Variants in TSPAN5 observed in about 807,000 individuals in gnomAD.
TSPAN5 encodes the protein tetraspanin-5.
In TSPAN5, 10 loss-of-function variants were observed where a neutral mutation model predicts 37.1. That is an observed-to-expected ratio of 0.27 (90% CI 0.17 to 0.46). The LOEUF (loss-of-function observed/expected upper bound fraction) is 0.46, where lower values mean the gene tolerates loss of function less well. TSPAN5 is among the 20% of genes least tolerant of loss of function. TSPAN5 has a pLI of 1.00. For synonymous variants in TSPAN5, 110 were observed against 118.9 expected (o/e 0.93, Z 0.48); for missense variants, 195 against 326.6 (o/e 0.60, Z 3.11).
At chr4:98,557,276 A>G (rs1045672084) in intron 1 of TSPAN5, among the ~76,000 whole-genome samples, 2 of 152,244 alleles carry the variant, frequency 1.3e-5, no homozygotes, top group African/African-American at 2.4e-5. Context: ...CACTAAATCA[A>G]CTGAAGCAGA....
At chr4:98,515,289 G>A (rs1753703780) in intron 1 of TSPAN5, among the ~76,000 whole-genome samples, 1 of 152,054 alleles carries the variant, frequency 6.6e-6, no homozygotes, top group Non-Finnish European at 1.5e-5. Flanking sequence ...AGATAAGAAG[G>A]GCACCTCAGA....
intron 1 of TSPAN5, among the ~76,000 whole-genome samples, chr4:98,605,283 A>C (rs1420795567): frequency 6.6e-6 from 1 of 152,204 alleles, no homozygotes; most frequent in Non-Finnish European, 1.5e-5. Context: ...ATATCAGAAA[A>C]AATGTGCCAA....
intron 1 of TSPAN5, among the ~76,000 whole-genome samples, chr4:98,564,454 T>C (rs1754952529): frequency 6.6e-6 from 1 of 152,248 alleles, no homozygotes; most frequent in Non-Finnish European, 1.5e-5. Flanking sequence ...TTTAGATTAA[T>C]GAAAGAAGCA....
At chr4:98,515,814 G>A (rs1753715515) in intron 1 of TSPAN5, among the ~76,000 whole-genome samples, 1 of 152,276 alleles carries the variant, frequency 6.6e-6, no homozygotes, top group East Asian at 1.9e-4. Context: ...ACACACTCTA[G>A]TCAGATACTC....
At chr4:98,625,735 C>A (rs933256886) in intron 1 of TSPAN5, among the ~76,000 whole-genome samples, 1 of 152,098 alleles carries the variant, frequency 6.6e-6, no homozygotes, top group Non-Finnish European at 1.5e-5. Context: ...TATGAATGAA[C>A]CCTATTAGTA....
At chr4:98,592,139 G>A (rs1755648953) in intron 1 of TSPAN5, among the ~76,000 whole-genome samples, 1 of 150,740 alleles carries the variant, frequency 6.6e-6, no homozygotes, top group Admixed American at 6.6e-5. Context: ...CAACTAGATA[G>A]CCACATGGAG....
intron 4 of TSPAN5, 30 bp downstream of exon 4, chr4:98,481,975 C>A: frequency 6.2e-7 from 1 of 1,609,662 alleles, no homozygotes; most frequent in Non-Finnish European, 8.5e-7. Context: ...AGAGAACTTT[C>A]AACTTGAAAA....
At chr4:98,625,770 C>A (rs1756585101) in intron 1 of TSPAN5, among the ~76,000 whole-genome samples, 1 of 152,054 alleles carries the variant, frequency 6.6e-6, no homozygotes, top group South Asian at 2.1e-4. Context: ...CTTCTGAAAA[C>A]CACGTTTAAA....
intron 1 of TSPAN5, among the ~76,000 whole-genome samples, chr4:98,654,049 A>G (rs1757248689): frequency 6.6e-6 from 1 of 152,186 alleles, no homozygotes; most frequent in Non-Finnish European, 1.5e-5. Context: ...ACGTGTAGGT[A>G]GGTGCTCCAG....
Position 98,573,466 on chromosome 4 carries a change from G to A in TSPAN5, c.82-65738C>T, listed in dbSNP as rs4699350. Among the ~76,000 whole-genome samples, 1,177 of 152,228 alleles carry A rather than the reference G, an allele frequency of 7.7e-3. 9 individuals are homozygous for A. Among genetic ancestry groups the A allele is most frequent in the Admixed American group, 0.019 (285 of 15,296 alleles). On this transcript the variant is annotated intron_variant, in intron 1 of 7. Transcript: ENST00000305798. The stretch of plus-strand genomic sequence containing the variant: ...GCCCAGGCTGGTCTCGAACTCCTGC[G>A]CTCAAGTGATCCTCCCATCTTGGCC...
intron 1 of TSPAN5, among the ~76,000 whole-genome samples, chr4:98,604,226 T>C (rs983262126): frequency 6.6e-6 from 1 of 152,182 alleles, no homozygotes; most frequent in Non-Finnish European, 1.5e-5. Context: ...TTCATGTAAC[T>C]TTCCCCATCA....
At chr4:98,530,535 G>A (rs944310390) in intron 1 of TSPAN5, among the ~76,000 whole-genome samples, 16 of 152,232 alleles carry the variant, frequency 1.1e-4, no homozygotes, top group Middle Eastern at 3.4e-3. Context: ...CCTGCACTTC[G>A]GCCATGAAAG....
At chr4:98,556,166 G>A (rs1754746375) in intron 1 of TSPAN5, among the ~76,000 whole-genome samples, 1 of 152,030 alleles carries the variant, frequency 6.6e-6, no homozygotes, top group Non-Finnish European at 1.5e-5. Context: ...CAGATGCAGA[G>A]ACATTTTATG....
chr4:98,600,828 T>TC lies in TSPAN5; in HGVS notation c.81+57317dup, dbSNP rs374929007. ...AGAATGATGACTTCTTTCCTGGTTT[T>TC]CAATTTCCTTTGCCCATATCAATCA... On this transcript the variant is annotated intron_variant, in intron 1 of 7. Transcript: ENST00000305798. Among the ~76,000 whole-genome samples, 715 of 152,340 alleles carry TC rather than the reference T, an allele frequency of 4.7e-3. 4 individuals are homozygous for TC. The highest frequency in any genetic ancestry group is 0.016 in the African/African-American group (683 of 41,580).
intron 2 of TSPAN5, chr4:98,496,512 C>T (rs1753216729): frequency 6.6e-6 from 1 of 152,190 alleles, no homozygotes; most frequent in African/African-American, 2.4e-5. Context: ...CTCAAGTAAT[C>T]CTTTTTTTGC....
At chr4:98,600,775 T>C (rs1470729408) in intron 1 of TSPAN5, among the ~76,000 whole-genome samples, 8 of 152,212 alleles carry the variant, frequency 5.3e-5, no homozygotes, top group Admixed American at 5.2e-4. Context: ...CCTCCTCCCA[T>C]GGATCATGAA....
At chr4:98,579,593 C>T (rs902120192) in intron 1 of TSPAN5, among the ~76,000 whole-genome samples, 6 of 152,238 alleles carry the variant, frequency 3.9e-5, no homozygotes, top group African/African-American at 1.4e-4. Context: ...TTATTTTTCC[C>T]ACTAAAATTG....
At chr4:98,638,519 GGT>G (rs1560570055) in intron 1 of TSPAN5, among the ~76,000 whole-genome samples, 1 of 152,052 alleles carries the variant, frequency 6.6e-6, no homozygotes, top group African/African-American at 2.4e-5. Flanking sequence ...ACCGGCATTT[GGT>G]TTCTTTGTTT....
chr4:98,546,432 CAT>C (rs1333777141), intron 1 of TSPAN5, among the ~76,000 whole-genome samples: 2 of 152,036 alleles, frequency 1.3e-5, no homozygotes, highest in African/African-American at 4.8e-5. Context: ...ATTGGTGAGC[CAT>C]GAAAATGATT....
Sources: gnomAD v4.1 joint callset for allele counts (sites outside exome capture counted in the v4.1 genomes callset) on GRCh38, gnomAD v4.1.1 for gene constraint, MANE v1.5 for transcripts, NCBI Gene and HGNC (gene_info 2026-07-23, HGNC 2026-07-21) for gene names.